The following SHC4 variants were observed in gnomAD, a reference collection of about 807,000 sequenced individuals.
SHC4 encodes the protein SHC-transforming protein 4.
Under a neutral mutation model 69.4 loss-of-function variants are expected in SHC4, and 41 were observed. The ratio of observed to expected loss-of-function variants is 0.59; its 90% CI spans 0.46 to 0.77. The LOEUF is 0.77. Ranked by LOEUF, SHC4 falls within the 30% of genes least tolerant of loss-of-function variation. SHC4 has a pLI of 0.00. For missense variants in SHC4, 777 were observed against 783.8 expected, an observed-to-expected ratio of 0.99 and a Z score of 0.10; for synonymous variants, 318 against 299.3, an observed-to-expected ratio of 1.06 and a Z score of -0.64.
intron 8 of SHC4, among the ~76,000 whole-genome samples, chr15:48,854,240 G>T (rs1899268762): frequency 6.6e-6 from 1 of 152,172 alleles, no homozygotes; most frequent in Admixed American, 6.5e-5. Context: ...CTAATCATCA[G>T]AGAAGTGCAA....
At chr15:48,891,149 C>T (rs1051985259) in intron 2 of SHC4, among the ~76,000 whole-genome samples, 2 of 152,176 alleles carry the variant, frequency 1.3e-5, no homozygotes, top group East Asian at 1.9e-4. Context: ...TCTGGAAATA[C>T]TTCGCAGTTT....
intron 1 of SHC4, among the ~76,000 whole-genome samples, chr15:48,930,259 T>C (rs886705321): frequency 2.6e-5 from 4 of 152,250 alleles, no homozygotes; most frequent in African/African-American, 4.8e-5. Flanking sequence ...TGTAAACATA[T>C]TTATTTTTAA....
In SHC4 at chr15:48,825,994, C is replaced by T; in HGVS notation, c.1870G>A (p.Ala624Thr). 1.2e-6 allele frequency: 2 copies of T among 1,613,462 alleles called. No individual in the cohort carries two copies. Among genetic ancestry groups the T allele is most frequent in the Middle Eastern group, 1.7e-4 (1 of 6,052 alleles). ...TGTCATTTGTTGGAATGCAAAAGTG[C>T]TGGATTATTATCTTTTCTCACTGGT... ...KQPVRKDNNPALLHSNK is the reference protein window; with the variant it reads ...KQPVRKDNNPTLLHSNK Residue 624 changes from alanine (A) to threonine (T), a missense_variant, in exon 12 of 12, where the codon GCA becomes ACA. By Grantham distance (58) the Ala-to-Thr change is moderately conservative. Coordinates refer to ENST00000332408, the MANE Select transcript of SHC4 (RefSeq NM_203349.4).
intron 10 of SHC4, among the ~76,000 whole-genome samples, chr15:48,837,121 G>A (rs753300692): frequency 6.6e-6 from 1 of 152,076 alleles, no homozygotes; most frequent in Non-Finnish European, 1.5e-5. Flanking sequence ...GATGGCTTTT[G>A]GTCTATTCTG....
intron 2 of SHC4, among the ~76,000 whole-genome samples, chr15:48,906,398 C>T (rs1408204225): frequency 8.6e-5 from 13 of 152,026 alleles, no homozygotes; most frequent in Admixed American, 8.5e-4. Flanking sequence ...TATCTACTAC[C>T]TTCATTTTAC....
chr15:48,926,528 T>C (rs1199159882), intron 1 of SHC4, among the ~76,000 whole-genome samples: 1 of 151,928 alleles, frequency 6.6e-6, no homozygotes, highest in Non-Finnish European at 1.5e-5. Context: ...AGTGGCACGA[T>C]CTTGGCTCAC....
At chr15:48,934,846 T>C (rs1198933106) in intron 1 of SHC4, among the ~76,000 whole-genome samples, 1 of 152,180 alleles carries the variant, frequency 6.6e-6, no homozygotes, top group Non-Finnish European at 1.5e-5. Flanking sequence ...AAGACAATCA[T>C]AAAAGACTGA....
chr15:48,945,140 C>G (rs1001966173), intron 1 of SHC4, among the ~76,000 whole-genome samples: 1 of 152,158 alleles, frequency 6.6e-6, no homozygotes, highest in African/African-American at 2.4e-5. Flanking sequence ...GTTGGGTCCT[C>G]CCAGAGACAG....
chr15:48,917,016 G>C (rs1900635925), intron 2 of SHC4, among the ~76,000 whole-genome samples: 1 of 152,170 alleles, frequency 6.6e-6, no homozygotes, highest in Admixed American at 6.5e-5. Context: ...GTATCAAAAT[G>C]TATTCTGTTC....
rs951159634 is a variant in SHC4, at chr15:48,901,454, C to T, written c.657-10643G>A. ...TATAAGAATTATGGGACTCCCTTTA[C>T]GCTGTAAATTATTGTTTTTCCATTC... On this transcript the variant is annotated intron_variant, in intron 2 of 11. Transcript: ENST00000332408. Among the ~76,000 whole-genome samples, 29 of 152,132 alleles carry T rather than the reference C, an allele frequency of 1.9e-4. 1 individual carries two copies. The highest frequency in any genetic ancestry group is 1.0e-3 in the Admixed American group (16 of 15,276).
At chr15:48,836,689 A>G (rs925309924) in intron 10 of SHC4, among the ~76,000 whole-genome samples, 7 of 152,138 alleles carry the variant, frequency 4.6e-5, no homozygotes, top group African/African-American at 1.7e-4. Context: ...AGTTTGTATG[A>G]CTACAATTTA....
intron 1 of SHC4, among the ~76,000 whole-genome samples, chr15:48,952,745 G>T (rs933624597): frequency 2.0e-5 from 3 of 152,148 alleles, no homozygotes; most frequent in African/African-American, 7.2e-5. Context: ...AGTCAGAATG[G>T]TTATTAAAAT....
intron 4 of SHC4, chr15:48,878,022 C>A (rs1395895780): frequency 1.1e-6 from 1 of 949,176 alleles, no homozygotes; most frequent in Non-Finnish European, 1.5e-6. Flanking sequence ...GCTACTCCAA[C>A]CACAGTGGCG....
chr15:48,850,632 T>C (rs1899191401), intron 9 of SHC4, among the ~76,000 whole-genome samples: 1 of 152,200 alleles, frequency 6.6e-6, no homozygotes, highest in African/African-American at 2.4e-5. Context: ...TTAAAATATA[T>C]TTCCAATCTG....
At chr15:48,953,215 A>T (rs2141040480) in intron 1 of SHC4, among the ~76,000 whole-genome samples, 1 of 152,340 alleles carries the variant, frequency 6.6e-6, no homozygotes, top group South Asian at 2.1e-4. Context: ...GAACTAAATG[A>T]TGAGAACGCA....
chr15:48,832,290 AAAAG>A (rs1484537600), intron 11 of SHC4, among the ~76,000 whole-genome samples: 2 of 152,132 alleles, frequency 1.3e-5, no homozygotes, highest in African/African-American at 4.8e-5. Flanking sequence ...GAAGAAGAAA[AAAAG>A]AAAGGATGGT....
intron 8 of SHC4, among the ~76,000 whole-genome samples, chr15:48,851,896 C>T (rs1321843781): frequency 1.3e-5 from 2 of 151,958 alleles, no homozygotes; most frequent in East Asian, 1.9e-4. Flanking sequence ...ACCAGGACTT[C>T]GAAAGAGGCA....
At chr15:48,848,009 A>C (rs199675601) in intron 9 of SHC4, among the ~76,000 whole-genome samples, 25 of 151,624 alleles carry the variant, frequency 1.6e-4, no homozygotes, top group East Asian at 1.4e-3. Context: ...TCTAAAAAAA[A>C]AAAAAAAACA....
intron 2 of SHC4, among the ~76,000 whole-genome samples, chr15:48,899,899 T>TCC (rs1440182254): frequency 3.3e-5 from 5 of 152,306 alleles, no homozygotes; most frequent in African/African-American, 1.2e-4. Context: ...ATCTACAGCT[T>TCC]AACAAACCTT....
Sources: allele counts gnomAD v4.1 joint callset (sites outside exome capture counted in the v4.1 genomes callset), GRCh38; gene constraint gnomAD v4.1.1; transcripts MANE v1.5; gene names NCBI Gene and HGNC (gene_info 2026-07-23, HGNC 2026-07-21).